The following PROS1 variants were observed in gnomAD, a reference collection of about 807,000 sequenced individuals.
PROS1 encodes vitamin K-dependent protein S.
PROS1 carries 29 observed loss-of-function variants against 75.9 expected under a neutral mutation model. The observed-to-expected ratio is 0.38, with a 90% CI of 0.28 to 0.52. PROS1 has a LOEUF of 0.52. Among genes scored for constraint, PROS1 ranks in the 20% least tolerant of loss-of-function variants. PROS1 has a pLI of 0.83. For missense variants in PROS1, 680 were observed against 810.3 expected (o/e 0.84, Z 1.95); for synonymous variants, 245 against 280.6 (o/e 0.87, Z 1.27).
intron 2 of PROS1, 123 bp downstream of exon 2, chr3:93,927,127 G>A (rs1576198219): frequency 2.4e-6 from 3 of 1,270,800 alleles, no homozygotes; most frequent in East Asian, 4.7e-5. Flanking sequence ...GTGGTTATGT[G>A]TGGAAGGTGA....
At position 93,874,424 on chromosome 3, in the gene PROS1, A is replaced by T. The variant is rs1415155620; in HGVS notation, c.1871-19T>A. The stretch of plus-strand genomic sequence containing the variant: ...GGAACATCTGTAAAAGGAAAATATT[A>T]GAATATTAGTCCAAGACTTTTAGCA... On this transcript the variant is annotated intron_variant, in intron 14 of 14. Transcript: ENST00000394236. The T allele has an allele frequency of 6.2e-7, 1 of 1,612,938 alleles. No homozygotes were observed. The highest frequency in any genetic ancestry group is 2.2e-5 in the East Asian group (1 of 44,788).
chr3:93,972,890 T>A (rs569770596), intron 1 of PROS1, among the ~76,000 whole-genome samples: 91 of 152,120 alleles, frequency 6.0e-4, no homozygotes, highest in Admixed American at 1.6e-3. Context: ...ATAAACACAC[T>A]TACAACTTTA....
chr3:93,904,569 A>G (rs560919703), intron 6 of PROS1, among the ~76,000 whole-genome samples: 1 of 152,328 alleles, frequency 6.6e-6, no homozygotes, highest in African/African-American at 2.4e-5. Flanking sequence ...AAATATATAT[A>G]AAATAAAGAG....
At chr3:93,877,628 G>T (rs1708211228) in intron 13 of PROS1, among the ~76,000 whole-genome samples, 1 of 152,130 alleles carries the variant, frequency 6.6e-6, no homozygotes, top group African/African-American at 2.4e-5. Context: ...AGGTTTCTTT[G>T]TGCCACACAA....
At chr3:93,957,751 C>T (rs1187884290) in intron 1 of PROS1, among the ~76,000 whole-genome samples, 1 of 152,144 alleles carries the variant, frequency 6.6e-6, no homozygotes, top group East Asian at 1.9e-4. Context: ...ATGCTCAAAT[C>T]ACTTATTGTA....
At chr3:93,926,353 C>T (rs566411087) in intron 2 of PROS1, among the ~76,000 whole-genome samples, 8 of 152,174 alleles carry the variant, frequency 5.3e-5, no homozygotes, top group African/African-American at 9.6e-5. Context: ...AACAGTGGGC[C>T]GGGCGCAGTG....
At chr3:93,935,241 C>A (rs1245084013) in intron 1 of PROS1, among the ~76,000 whole-genome samples, 1 of 152,062 alleles carries the variant, frequency 6.6e-6, no homozygotes, top group East Asian at 1.9e-4. Context: ...TACTAGATTG[C>A]AAACTGGTTA....
At chr3:93,923,111 T>C (rs1708966839) in intron 3 of PROS1, among the ~76,000 whole-genome samples, 1 of 152,154 alleles carries the variant, frequency 6.6e-6, no homozygotes. Context: ...GTGTTTTTGT[T>C]TTAGTTTGTT....
chr3:93,882,655 T>C (rs539594980), intron 12 of PROS1, among the ~76,000 whole-genome samples: 1 of 152,316 alleles, frequency 6.6e-6, no homozygotes, highest in Non-Finnish European at 1.5e-5. Context: ...GAACTCCATG[T>C]AGGGGCTGAC....
chr3:93,933,650 G>A (rs144203941), intron 1 of PROS1, among the ~76,000 whole-genome samples: 197 of 151,990 alleles, frequency 1.3e-3, no homozygotes, highest in African/African-American at 4.1e-3. Flanking sequence ...ATGGGCTGGC[G>A]TGGTGGCCCA....
chr3:93,910,475 C>A, intron 4 of PROS1, 144 bp downstream of exon 4: 1 of 726,132 alleles, frequency 1.4e-6, no homozygotes, highest in Non-Finnish European at 2.4e-6. Context: ...ATTAGAAATG[C>A]AGTTTGAAAA....
At chr3:93,915,637 TTACTC>T (rs1708834283) in intron 3 of PROS1, among the ~76,000 whole-genome samples, 1 of 152,242 alleles carries the variant, frequency 6.6e-6, no homozygotes, top group Non-Finnish European at 1.5e-5. Flanking sequence ...ATGTTGGTCT[TTACTC>T]TAGTTTCCAG....
intron 1 of PROS1, among the ~76,000 whole-genome samples, chr3:93,938,244 C>T (rs1559944556): frequency 6.6e-6 from 1 of 152,104 alleles, no homozygotes; most frequent in Non-Finnish European, 1.5e-5. Flanking sequence ...ACCTTGTAAC[C>T]CCCGCCCCTG....
intron 10 of PROS1, among the ~76,000 whole-genome samples, chr3:93,892,085 T>G (rs1708438825): frequency 6.6e-6 from 1 of 152,142 alleles, no homozygotes; most frequent in South Asian, 2.1e-4. Context: ...ATCCCAGCAC[T>G]TTGGGAGGCC....
At chr3:93,952,709 G>A (rs970938044) in intron 1 of PROS1, among the ~76,000 whole-genome samples, 1 of 152,018 alleles carries the variant, frequency 6.6e-6, no homozygotes, top group Non-Finnish European at 1.5e-5. Context: ...GCTAGCAGAA[G>A]GCAAGAAATA....
intron 10 of PROS1, among the ~76,000 whole-genome samples, chr3:93,890,809 C>G (rs1708421856): frequency 6.6e-6 from 1 of 152,126 alleles, no homozygotes; most frequent in Admixed American, 6.5e-5. Flanking sequence ...CATGACTTCT[C>G]AATACAAACT....
intron 1 of PROS1, among the ~76,000 whole-genome samples, chr3:93,964,514 T>C (rs1011149654): frequency 5.9e-5 from 9 of 152,134 alleles, no homozygotes; most frequent in African/African-American, 2.2e-4. Context: ...AACCTCACCC[T>C]GGTAAATTTG....
At chr3:93,962,998 A>T (rs1182438045) in intron 1 of PROS1, among the ~76,000 whole-genome samples, 1 of 152,240 alleles carries the variant, frequency 6.6e-6, no homozygotes, top group African/African-American at 2.4e-5. Context: ...TCAAAGTTCA[A>T]ATCAAGTGGT....
At chr3:93,898,608 C>T (rs111940877) in intron 7 of PROS1, 39 bp from the exon 8 acceptor site, 31 of 1,606,342 alleles carry the variant, frequency 1.9e-5, no homozygotes, top group Non-Finnish European at 2.6e-5. Context: ...ACTTTAATAT[C>T]CCCTAAATGT....
Sources: gnomAD v4.1 joint callset for allele counts (sites outside exome capture counted in the v4.1 genomes callset) on GRCh38, gnomAD v4.1.1 for gene constraint, MANE v1.5 for transcripts, NCBI Gene and HGNC (gene_info 2026-07-23, HGNC 2026-07-21) for gene names.